KLHL1: variants seen among roughly 807,000 people sequenced by gnomAD.
The protein encoded by KLHL1 is kelch-like protein 1.
A neutral mutation model predicts 77.7 loss-of-function variants in KLHL1; 47 were observed. That is an observed-to-expected ratio of 0.60 (90% CI 0.48 to 0.77). KLHL1 has a LOEUF of 0.77. Ranked by LOEUF, KLHL1 falls within the 30% of genes least tolerant of loss-of-function variation. The probability of loss-of-function intolerance (pLI) is 0.00; values close to 1 mark genes in which losing one functional copy is unlikely to be tolerated. For synonymous variants in KLHL1, 360 were observed against 325.2 expected (o/e 1.11, Z -1.15); for missense variants, 925 against 910.8 (o/e 1.02, Z -0.20).
chr13:69,984,107 T>C (rs139348728), intron 1 of KLHL1, among the ~76,000 whole-genome samples: 1 of 152,242 alleles, frequency 6.6e-6, no homozygotes, highest in African/African-American at 2.4e-5. Flanking sequence ...AAGGACTTTT[T>C]TGGATGAGAT....
At position 69,701,563 on chromosome 13, in the gene KLHL1, T is replaced by C; in HGVS notation, c.*139A>G. The C allele has an allele frequency of 1.6e-6, 1 of 637,210 alleles. No individual in the cohort carries two copies. The highest frequency in any genetic ancestry group is 3.2e-5 in the Admixed American group (1 of 31,402). The allele number at this position is 637,210 out of a possible 1,614,324, so 39.5% of individuals were successfully genotyped here. A position where few individuals can be genotyped will look rare whatever the true frequency, so the allele number is the denominator to read the frequency against. On this transcript the variant is annotated 3_prime_UTR_variant, in exon 11 of 11. Coordinates refer to ENST00000377844, the MANE Select transcript of KLHL1 (RefSeq NM_020866.3). ...CTACTATTCTGTTTGATCTACTAAC[T>C]CTTTCAACATCAGTAGGTAACGCTA... is the stretch of plus-strand genomic sequence containing the variant.
rs117955108 is a variant in KLHL1, at chr13:69,931,451, T to C, written c.1014+8589A>G. ...ATAAAACATGACTGCTTATTGGAAA[T>C]AAGCTCCCAACCTAAAGTACATTGG... is the stretch of plus-strand genomic sequence containing the variant. On this transcript the variant is annotated intron_variant, in intron 4 of 10. Coordinates refer to ENST00000377844, the MANE Select transcript of KLHL1 (RefSeq NM_020866.3). Among the ~76,000 whole-genome samples the C allele has an allele frequency of 1.0e-2, 1,513 of 151,928 alleles. 12 individuals carry two copies. The highest frequency in any genetic ancestry group is 0.044 in the Middle Eastern group (13 of 294).
intron 7 of KLHL1, among the ~76,000 whole-genome samples, chr13:69,758,075 A>G (rs1222600699): frequency 4.0e-5 from 6 of 151,770 alleles, no homozygotes; most frequent in Non-Finnish European, 8.8e-5. Flanking sequence ...TGATGGAGAT[A>G]TTTAGTTTTT....
chr13:69,983,502 AG>A (rs1884772196), intron 1 of KLHL1, among the ~76,000 whole-genome samples: 1 of 147,920 alleles, frequency 6.8e-6, no homozygotes, highest in South Asian at 2.2e-4. Flanking sequence ...CCACTTTGGG[AG>A]GTCAAAGCAG....
At chr13:69,952,007 C>G (rs1225422897) in intron 3 of KLHL1, among the ~76,000 whole-genome samples, 1 of 151,372 alleles carries the variant, frequency 6.6e-6, no homozygotes, top group Admixed American at 6.6e-5. Context: ...GTTATTTCCC[C>G]TCTTGGATAG....
At chr13:69,998,003 A>G (rs1465927510) in intron 1 of KLHL1, among the ~76,000 whole-genome samples, 5 of 151,848 alleles carry the variant, frequency 3.3e-5, no homozygotes, top group Non-Finnish European at 5.9e-5. Flanking sequence ...TGATAGTTCT[A>G]CTTTAATGTT....
At chr13:69,740,627 T>A (rs529880269) in intron 7 of KLHL1, 71 bp from the exon 8 acceptor site, 2 of 1,151,088 alleles carry the variant, frequency 1.7e-6, no homozygotes, top group South Asian at 1.9e-5. Flanking sequence ...ATCTGTTAAG[T>A]GGGTAGATCT....
chr13:69,962,134 A>G (rs1884084351), intron 2 of KLHL1, among the ~76,000 whole-genome samples: 1 of 152,034 alleles, frequency 6.6e-6, no homozygotes, highest in African/African-American at 2.4e-5. Flanking sequence ...TATTCAGGAT[A>G]CTTTGTTTCC....
intron 6 of KLHL1, among the ~76,000 whole-genome samples, chr13:69,816,760 T>G (rs1437534861): frequency 1.3e-5 from 2 of 152,124 alleles, no homozygotes; most frequent in African/African-American, 2.4e-5. Flanking sequence ...GCTACCTTTT[T>G]ATGGCAAAGA....
At chr13:69,853,519 A>AT (rs1879775577) in intron 5 of KLHL1, among the ~76,000 whole-genome samples, 1 of 152,046 alleles carries the variant, frequency 6.6e-6, no homozygotes, top group Non-Finnish European at 1.5e-5. Context: ...ATGAAGTAAT[A>AT]CAACTACTTA....
intron 5 of KLHL1, among the ~76,000 whole-genome samples, 170 bp downstream of exon 5, chr13:69,882,113 C>T (rs138822569): frequency 9.3e-4 from 141 of 152,220 alleles, no homozygotes; most frequent in African/African-American, 3.3e-3. Context: ...TTTAGATCCA[C>T]GATCCATCAT....
In KLHL1 at chr13:70,000,442, C is replaced by T. The variant is rs116421254; in HGVS notation, c.498-24640G>A. On this transcript the variant is annotated intron_variant, in intron 1 of 10. Transcript: ENST00000377844. ...AAAACTAATAAAACAAGAAAAAAAG[C>T]GTATATACATTAGTTATATAATACC... Among the ~76,000 whole-genome samples the T allele has an allele frequency of 3.5e-3, 530 of 151,902 alleles. 5 individuals carry two copies. Among genetic ancestry groups the T allele is most frequent in the African/African-American group, 0.012 (500 of 41,492 alleles).
At chr13:69,815,160 C>T (rs1878066636) in intron 6 of KLHL1, among the ~76,000 whole-genome samples, 1 of 152,128 alleles carries the variant, frequency 6.6e-6, no homozygotes, top group South Asian at 2.1e-4. Context: ...TCTCAAAGAA[C>T]TAAAAACAGA....
chr13:70,027,649 G>GTTTTTTTTTTTTTTTTTTTTTTTTT (rs1185282462), intron 1 of KLHL1, among the ~76,000 whole-genome samples: 1 of 109,336 alleles, frequency 9.1e-6, no homozygotes, highest in Non-Finnish European at 1.8e-5. Context: ...CAAAATGTAA[G>GTTTTTTTTTTTTTTTTTTTTTTTTT]TTGTTTTTTT....
chr13:69,977,002 C>T (rs903032546), intron 1 of KLHL1, among the ~76,000 whole-genome samples: 26 of 151,986 alleles, frequency 1.7e-4, no homozygotes, highest in Non-Finnish European at 2.8e-4. Context: ...GAGGATAATA[C>T]GAAGACTGAA....
At chr13:70,044,327 A>C (rs997473200) in intron 1 of KLHL1, among the ~76,000 whole-genome samples, 8 of 152,162 alleles carry the variant, frequency 5.3e-5, no homozygotes, top group Non-Finnish European at 1.0e-4. Flanking sequence ...GCTCAAATGA[A>C]ATCTCACAGA....
rs1888112270 is a variant in KLHL1, at chr13:70,107,812, G to A, written c.-113C>T. On this transcript the variant is annotated 5_prime_UTR_variant, in exon 1 of 11. Coordinates refer to ENST00000377844, the MANE Select transcript of KLHL1 (RefSeq NM_020866.3). The stretch of plus-strand genomic sequence containing the variant: ...GAGGAAGAGGCGGGATGCGCCCTCT[G>A]CACCCCTAGAGCCAGAAGACGCTAG... 2.0e-5 allele frequency: 16 copies of A among 790,516 alleles called. No individual in the cohort carries two copies. In the South Asian group the frequency reaches 2.7e-4, roughly 13 times the overall value. The allele number at this position is 790,516 out of a possible 1,614,324, so 49.0% of individuals were successfully genotyped here.
Position 69,839,159 on chromosome 13 carries a change from A to G in KLHL1, c.1231T>C (p.Leu411=), listed in dbSNP as rs41283972. The G allele has an allele frequency of 0.043, 68,750 of 1,583,386 alleles. 2,701 individuals are homozygous for G. The highest frequency in any genetic ancestry group is 0.2 in the African/African-American group (15,156 of 73,932). Residue 411 remains leucine (L), a synonymous_variant, in exon 6 of 11, where the codon TTG becomes CTG. Coordinates refer to ENST00000377844, the MANE Select transcript of KLHL1 (RefSeq NM_020866.3). The part of the protein sequence containing the change: ...IRLPLLPPQI[L]ADLENHALFK... Reference sequence around the variant, plus strand: ...AATGCATGATTTTCTAGGTCAGCCAATATCTGTGAATAATACACAATAGCT... The same window carrying G: ...AATGCATGATTTTCTAGGTCAGCCAGTATCTGTGAATAATACACAATAGCT...
At chr13:70,089,587 A>T (rs1009570016) in intron 1 of KLHL1, among the ~76,000 whole-genome samples, 3 of 152,008 alleles carry the variant, frequency 2.0e-5, no homozygotes, top group African/African-American at 7.2e-5. Context: ...ATTATATATT[A>T]TGTATATATA....
Sources: allele counts gnomAD v4.1 joint callset (sites outside exome capture counted in the v4.1 genomes callset), GRCh38; gene constraint gnomAD v4.1.1; transcripts MANE v1.5; gene names NCBI Gene and HGNC (gene_info 2026-07-23, HGNC 2026-07-21).